The following ATF2 variants were observed in gnomAD, a reference collection of about 807,000 sequenced individuals.
ATF2 encodes the protein activating transcription factor 2.
In ATF2, 24 loss-of-function variants were observed where a neutral mutation model predicts 60.6. The ratio of observed to expected loss-of-function variants is 0.40; its 90% CI spans 0.29 to 0.56. ATF2 has a LOEUF of 0.56. ATF2 is among the 20% of genes least tolerant of loss of function. The probability of loss-of-function intolerance (pLI) is 0.54; values close to 1 mark genes in which losing one functional copy is unlikely to be tolerated. For synonymous variants in ATF2, 206 were observed against 215.4 expected (o/e 0.96, Z 0.38); for missense variants, 433 against 607.7 (o/e 0.71, Z 3.02).
chr2:175,137,702 G>GC (rs1698235140), intron 2 of ATF2, among the ~76,000 whole-genome samples: 2 of 152,092 alleles, frequency 1.3e-5, no homozygotes, highest in Admixed American at 1.3e-4. Flanking sequence ...GAGGGAGTTA[G>GC]CCCTTGGTAC....
intron 12 of ATF2, among the ~76,000 whole-genome samples, chr2:175,091,718 C>T (rs1694559969): frequency 6.6e-6 from 1 of 151,950 alleles, no homozygotes; most frequent in African/African-American, 2.4e-5. Flanking sequence ...CAAAAATTAG[C>T]CGGGTGTGGT....
intron 10 of ATF2, among the ~76,000 whole-genome samples, chr2:175,107,821 G>T (rs897007472): frequency 6.6e-6 from 1 of 152,168 alleles, no homozygotes; most frequent in Non-Finnish European, 1.5e-5. Context: ...TGCCAGCCTC[G>T]GCCCCCCGAG....
chr2:175,114,148 T>TTAAA (rs758670584), intron 8 of ATF2, 40 bp from the exon 9 acceptor site: 25 of 1,531,074 alleles, frequency 1.6e-5, no homozygotes, highest in Non-Finnish European at 2.1e-5. Flanking sequence ...AAAAAGAGAT[T>TTAAA]CATACCAACT....
intron 9 of ATF2, among the ~76,000 whole-genome samples, chr2:175,113,494 C>G (rs1020907876): frequency 6.6e-6 from 1 of 152,012 alleles, no homozygotes; most frequent in Admixed American, 6.5e-5. Flanking sequence ...ATTTAACACA[C>G]CCCTCAAAAA....
chr2:175,112,615 T>C (rs1273768422), intron 9 of ATF2, among the ~76,000 whole-genome samples: 1 of 152,224 alleles, frequency 6.6e-6, no homozygotes, highest in Non-Finnish European at 1.5e-5. Flanking sequence ...GACAAGGTCT[T>C]ACTTTGTTGC....
chr2:175,104,328 G>A (rs948911821), intron 10 of ATF2, among the ~76,000 whole-genome samples: 1 of 152,072 alleles, frequency 6.6e-6, no homozygotes, highest in African/African-American at 2.4e-5. Context: ...TGATCATAAA[G>A]GTCTAATAAA....
intron 1 of ATF2, among the ~76,000 whole-genome samples, chr2:175,157,176 A>G (rs1273975110): frequency 3.3e-5 from 5 of 152,354 alleles, no homozygotes; most frequent in Middle Eastern, 6.8e-3. Flanking sequence ...TGGTAAAACT[A>G]TTCTCATTAT....
chr2:175,120,597 A>T (rs1241832555), intron 5 of ATF2, among the ~76,000 whole-genome samples: 1 of 151,714 alleles, frequency 6.6e-6, no homozygotes, highest in Non-Finnish European at 1.5e-5. Context: ...TTCCAGACTT[A>T]TATGACATAT....
intron 4 of ATF2, among the ~76,000 whole-genome samples, chr2:175,127,561 A>C (rs773029680): frequency 7.2e-5 from 11 of 152,064 alleles, no homozygotes; most frequent in Non-Finnish European, 1.5e-4. Context: ...CAAACACCTT[A>C]TCATAGGATA....
At chr2:175,146,848 T>C (rs927337580) in intron 2 of ATF2, among the ~76,000 whole-genome samples, 1 of 152,166 alleles carries the variant, frequency 6.6e-6, no homozygotes. Context: ...GTCTCAGGCA[T>C]CCACTGGGGC....
In ATF2 at chr2:175,086,823, T is replaced by C. The variant is rs576751940; in HGVS notation, c.1186-6058A>G. 1.6e-4 allele frequency among the ~76,000 whole-genome samples: 24 copies of C among 152,326 alleles called. No homozygotes were observed. The South Asian group carries it at 5.0e-3, about 32-fold the overall frequency. ...TAAAGATAGGCATGATTTATTACTA[T>C]TCAGATAAGATGGCTGCATAAGTCC... On this transcript the variant is annotated intron_variant, in intron 12 of 13. Coordinates refer to ENST00000264110, the MANE Select transcript of ATF2 (RefSeq NM_001880.4).
intron 10 of ATF2, among the ~76,000 whole-genome samples, chr2:175,107,615 AGCCAAAGCTGGACTGTGCT>A: frequency 6.6e-6 from 1 of 152,004 alleles, no homozygotes; most frequent in Non-Finnish European, 1.5e-5. Flanking sequence ...TCTGATGCCG[AGCCAAAGCTGGACTGTGCT>A]GCCGCCATCT....
chr2:175,082,550 C>T (rs1030348566), intron 12 of ATF2, among the ~76,000 whole-genome samples: 4 of 152,110 alleles, frequency 2.6e-5, no homozygotes, highest in Non-Finnish European at 4.4e-5. Flanking sequence ...TCATTAAATC[C>T]TGTAACAGGA....
chr2:175,106,194 T>C (rs1695651722), intron 10 of ATF2, among the ~76,000 whole-genome samples: 1 of 152,098 alleles, frequency 6.6e-6, no homozygotes, highest in African/African-American at 2.4e-5. Flanking sequence ...AGTAGAAATA[T>C]ACGTACCTCT....
chr2:175,123,919 T>C (rs1320410673), intron 4 of ATF2, among the ~76,000 whole-genome samples: 1 of 151,922 alleles, frequency 6.6e-6, no homozygotes, highest in East Asian at 1.9e-4. Context: ...TCTGAGAAAA[T>C]TTATTATTTT....
intron 2 of ATF2, among the ~76,000 whole-genome samples, chr2:175,144,332 T>C (rs1157145229): frequency 1.3e-5 from 2 of 152,188 alleles, no homozygotes; most frequent in African/African-American, 4.8e-5. Flanking sequence ...CTAACAACTA[T>C]ACAGAAATTT....
intron 2 of ATF2, among the ~76,000 whole-genome samples, chr2:175,148,162 T>G (rs189156166): frequency 6.6e-6 from 1 of 152,260 alleles, no homozygotes; most frequent in East Asian, 1.9e-4. Flanking sequence ...GTTTCTGTGA[T>G]GCCCAACTAT....
At chr2:175,130,072 T>A in intron 4 of ATF2, 66 bp downstream of exon 4, 3 of 1,172,598 alleles carry the variant, frequency 2.6e-6, no homozygotes, top group Non-Finnish European at 3.6e-6. Flanking sequence ...AGTGATAACA[T>A]ATTATATCAT....
At chr2:175,151,438 T>C (rs1186633806) in intron 1 of ATF2, among the ~76,000 whole-genome samples, 2 of 152,244 alleles carry the variant, frequency 1.3e-5, no homozygotes, top group Middle Eastern at 3.4e-3. Flanking sequence ...AGGATGGAAG[T>C]AAGGCAATGA....
Sources: gnomAD v4.1 joint callset for allele counts (sites outside exome capture counted in the v4.1 genomes callset) on GRCh38, gnomAD v4.1.1 for gene constraint, MANE v1.5 for transcripts, NCBI Gene and HGNC (gene_info 2026-07-23, HGNC 2026-07-21) for gene names.